The following CAMTA1 variants were observed in gnomAD, a reference collection of about 807,000 sequenced individuals.
CAMTA1 encodes calmodulin-binding transcription activator 1.
In CAMTA1, 27 loss-of-function variants were observed where a neutral mutation model predicts 170.9. That is an observed-to-expected ratio of 0.16 (90% CI 0.12 to 0.22). The LOEUF (loss-of-function observed/expected upper bound fraction) is 0.22, where lower values mean the gene tolerates loss of function less well. Ranked by LOEUF, CAMTA1 falls within the 10% of genes least tolerant of loss-of-function variation. The probability of loss-of-function intolerance (pLI) is 1.00; values close to 1 mark genes in which losing one functional copy is unlikely to be tolerated. For synonymous variants in CAMTA1, 833 were observed against 891.5 expected (o/e 0.93, Z 1.17); for missense variants, 1,619 against 2,217.2 (o/e 0.73, Z 5.42).
rs2096788997 is a variant in CAMTA1 at position 7,738,743 on chromosome 1, C to G, written c.4182+261C>G. 1.3e-5 allele frequency among the ~76,000 whole-genome samples: 2 copies of G among 152,172 alleles called. No individual in the cohort carries two copies. Among genetic ancestry groups the G allele is most frequent in the African/African-American group, 4.8e-5 (2 of 41,426 alleles). ...CTCTTTGTACCAACTTCTCAGAACTCACTGAGGACCCTACAGTACGTCATC... is the reference window on the plus strand; with the variant it reads ...CTCTTTGTACCAACTTCTCAGAACTGACTGAGGACCCTACAGTACGTCATC... On this transcript the variant is annotated intron_variant, in intron 16 of 22. Transcript: ENST00000303635. The surrounding 1 kb of genome is among the most constrained non-coding windows in gnomAD (Gnocchi z 4.9).
chr1:6,963,112 AC>A (rs1029099911), intron 3 of CAMTA1, among the ~76,000 whole-genome samples: 1 of 137,710 alleles, frequency 7.3e-6, no homozygotes, highest in African/African-American at 2.7e-5. Context: ...GACCCATCCC[AC>A]CCTCTGGCCT....
intron 6 of CAMTA1, among the ~76,000 whole-genome samples, chr1:7,484,869 G>A (rs576991439): frequency 6.6e-6 from 1 of 151,968 alleles, no homozygotes; most frequent in African/African-American, 2.4e-5. Context: ...AGAGCCGCCC[G>A]TGCTGAGCTG....
chr1:6,996,716 A>AG (rs1221314241), intron 3 of CAMTA1, among the ~76,000 whole-genome samples: 2 of 152,108 alleles, frequency 1.3e-5, no homozygotes, highest in Non-Finnish European at 2.9e-5. Flanking sequence ...AAAGAAAGAA[A>AG]AAAAGTCACA....
At chr1:7,024,249 T>C (rs1701761458) in intron 3 of CAMTA1, among the ~76,000 whole-genome samples, 1 of 151,986 alleles carries the variant, frequency 6.6e-6, no homozygotes. Context: ...AAGACAGACG[T>C]AAGCCTTCCT....
chr1:7,468,974 C>T (rs115967935), intron 6 of CAMTA1, among the ~76,000 whole-genome samples: 33 of 152,322 alleles, frequency 2.2e-4, no homozygotes, highest in African/African-American at 2.9e-4. Flanking sequence ...CCCACAGGGC[C>T]GGAGCCATGT....
chr1:7,497,751 C>T (rs752623375), intron 6 of CAMTA1, among the ~76,000 whole-genome samples: 2 of 152,204 alleles, frequency 1.3e-5, no homozygotes, highest in Admixed American at 1.3e-4. Context: ...TCAGCCATGA[C>T]GGCAGGAGAG....
Position 6,904,645 on chromosome 1 carries a change from GCA to G in CAMTA1, c.234+79436_234+79437del, listed in dbSNP as rs201408548. Among the ~76,000 whole-genome samples, 715 of 146,522 alleles carry G rather than the reference GCA, an allele frequency of 4.9e-3. 6 individuals carry two copies. Among genetic ancestry groups the G allele is most frequent in the African/African-American group, 0.017 (669 of 39,546 alleles). On this transcript the variant is annotated intron_variant, in intron 3 of 22. Transcript: ENST00000303635. ...AACAACATAGCTCACAGCAGCCGCA[GCA>G]GCCTCAAACTTCCAGGCTCAAGCAG...
At chr1:7,229,601 G>C (rs1662346663) in intron 4 of CAMTA1, among the ~76,000 whole-genome samples, 1 of 136,986 alleles carries the variant, frequency 7.3e-6, no homozygotes, top group African/African-American at 2.8e-5. Context: ...GAGGGCAGGA[G>C]GAGGGGAGGC....
At chr1:7,030,484 A>G (rs1451064497) in intron 3 of CAMTA1, among the ~76,000 whole-genome samples, 1 of 152,222 alleles carries the variant, frequency 6.6e-6, no homozygotes, top group Admixed American at 6.5e-5. Flanking sequence ...CAAGTTCACA[A>G]TGGTGAGCAC....
intron 5 of CAMTA1, among the ~76,000 whole-genome samples, chr1:7,415,813 T>A (rs1257072944): frequency 6.6e-6 from 1 of 152,234 alleles, no homozygotes; most frequent in Admixed American, 6.5e-5. Context: ...TGATGTTAGC[T>A]GGTTATTTTG....
At chr1:7,254,511 T>C (rs1280740640) in intron 5 of CAMTA1, among the ~76,000 whole-genome samples, 1 of 152,228 alleles carries the variant, frequency 6.6e-6, no homozygotes, top group Non-Finnish European at 1.5e-5. Context: ...TGTGTTTGTA[T>C]TGCCTGTAAA....
chr1:7,250,195 C>G (rs947270712), intron 5 of CAMTA1, among the ~76,000 whole-genome samples: 3 of 152,170 alleles, frequency 2.0e-5, no homozygotes, highest in Non-Finnish European at 4.4e-5. Context: ...GGTTTTGGCC[C>G]TTGGGTAAAG....
intron 5 of CAMTA1, among the ~76,000 whole-genome samples, chr1:7,344,736 T>C (rs1315285233): frequency 6.7e-6 from 1 of 148,290 alleles, no homozygotes; most frequent in Non-Finnish European, 1.5e-5. Flanking sequence ...TTCTCCTCTT[T>C]CCTGCTCAAG....
chr1:7,237,634 G>A lies in CAMTA1; in HGVS notation c.303-11857G>A, dbSNP rs147692600. Among the ~76,000 whole-genome samples the A allele has an allele frequency of 1.4e-4, 21 of 152,250 alleles. No homozygotes were observed. In the East Asian group the frequency reaches 3.3e-3, roughly 24 times the overall value. ...TCTACTTAATATCCACACGCAAAAC[G>A]TCTCAAGAACACATCACCCCTCTGA... On this transcript the variant is annotated intron_variant, in intron 4 of 22. Coordinates refer to ENST00000303635, the MANE Select transcript of CAMTA1 (RefSeq NM_015215.4).
rs2092332181 is a variant in CAMTA1, at chr1:7,435,884, G to T, written c.439-31946G>T. 6.6e-6 allele frequency among the ~76,000 whole-genome samples: 1 copy of T among 152,164 alleles called. No homozygotes were observed. The highest frequency in any genetic ancestry group is 1.5e-5 in the Non-Finnish European group (1 of 68,028). ...CCTCCGAGCTCACAGCATGACCCAG[G>T]GGCCTGGCTGTGCTGCACCCTGGGG... On this transcript the variant is annotated intron_variant, in intron 5 of 22. Transcript: ENST00000303635. This position sits in a 1 kb window ranked among gnomAD's most constrained non-coding sequence, Gnocchi z 4.4.
At chr1:7,130,742 C>T (rs1645200682) in intron 4 of CAMTA1, among the ~76,000 whole-genome samples, 1 of 152,182 alleles carries the variant, frequency 6.6e-6, no homozygotes, top group East Asian at 1.9e-4. Context: ...TATATCTGTT[C>T]TCAAGAGCTG....
intron 3 of CAMTA1, among the ~76,000 whole-genome samples, chr1:6,862,274 A>G (rs746678457): frequency 5.3e-5 from 8 of 152,142 alleles, no homozygotes; most frequent in Non-Finnish European, 1.2e-4. Flanking sequence ...CGCCCAGCCT[A>G]GTATTTGTCT....
At chr1:7,075,847 G>C (rs1639227173) in intron 3 of CAMTA1, among the ~76,000 whole-genome samples, 1 of 151,460 alleles carries the variant, frequency 6.6e-6, no homozygotes, top group African/African-American at 2.4e-5. Context: ...ATTTTTAGTA[G>C]AGACGGGGTT....
chr1:7,320,441 G>A (rs1456347285), intron 5 of CAMTA1, among the ~76,000 whole-genome samples: 4 of 152,140 alleles, frequency 2.6e-5, no homozygotes, highest in Non-Finnish European at 5.9e-5. Flanking sequence ...ATCCACTCTA[G>A]GAAAGACATC....
Sources: allele counts gnomAD v4.1 joint callset (sites outside exome capture counted in the v4.1 genomes callset), GRCh38; gene constraint gnomAD v4.1.1; non-coding constraint Gnocchi (gnomAD v3.1); transcripts MANE v1.5; gene names NCBI Gene and HGNC (gene_info 2026-07-23, HGNC 2026-07-21).